Variants in WDPCP observed in about 807,000 individuals in gnomAD.
WDPCP encodes WD repeat-containing and planar cell polarity effector protein fritz homolog.
A neutral mutation model predicts 93.1 loss-of-function variants in WDPCP; 71 were observed. The observed-to-expected ratio is 0.76, with a 90% confidence interval of 0.63 to 0.93. WDPCP has a LOEUF of 0.93. Ranked by LOEUF, WDPCP falls within the 40% of genes least tolerant of loss-of-function variation. The pLI is 0.00. For missense variants in WDPCP, 844 were observed against 887.4 expected (o/e 0.95, Z 0.62); for synonymous variants, 315 against 315.0 (o/e 1.00, Z 0.00).
chr2:63,700,301 AAAC>A lies in WDPCP; in HGVS notation n.309-49466_309-49464del, dbSNP rs1279422692. Among the ~76,000 whole-genome samples, 34 of 102,232 alleles carry A rather than the reference AAAC, an allele frequency of 3.3e-4. 4 individuals are homozygous for A. The highest frequency in any genetic ancestry group is 8.6e-4 in the Admixed American group (9 of 10,486). The allele number at this position is 102,232 out of a possible 152,430, so 67.1% of individuals were successfully genotyped here. Reference sequence around the variant, plus strand: ...CTGTCTCAAAAAAAAAAAAAAAAAAAAACAAAAAGAAAAAAAGAAAAAAATGCT... The same window carrying A: ...CTGTCTCAAAAAAAAAAAAAAAAAAAAAAAAGAAAAAAAGAAAAAAATGCT... On this transcript the variant is annotated intron_variant and non_coding_transcript_variant, in intron 2 of 4. Transcript: ENST00000467687.
chr2:63,152,483 G>A (rs1047584492), intron 17 of WDPCP, among the ~76,000 whole-genome samples: 2 of 152,020 alleles, frequency 1.3e-5, no homozygotes, highest in Admixed American at 6.6e-5. Context: ...TGTTGGCCAG[G>A]CTGGTCTCAA....
chr2:63,269,449 A>C (rs1322186458), intron 13 of WDPCP, among the ~76,000 whole-genome samples: 2 of 152,174 alleles, frequency 1.3e-5, no homozygotes, highest in African/African-American at 4.8e-5. Flanking sequence ...GTAAGATCTA[A>C]ATAAAAAACT....
chr2:63,437,228 C>A (rs1044969994), intron 8 of WDPCP, among the ~76,000 whole-genome samples, 193 bp downstream of exon 8: 2 of 151,902 alleles, frequency 1.3e-5, no homozygotes, highest in Non-Finnish European at 2.9e-5. Context: ...TGTTAGACAA[C>A]CCCCCATAGT....
intron 1 of WDPCP, among the ~76,000 whole-genome samples, chr2:63,534,371 T>C (rs940596721): frequency 1.3e-5 from 2 of 152,202 alleles, no homozygotes; most frequent in Non-Finnish European, 2.9e-5. Context: ...GAGGCCAGCA[T>C]CAACCTGATA....
intron 3 of WDPCP, among the ~76,000 whole-genome samples, chr2:63,650,304 G>A (rs758919303): frequency 2.6e-5 from 4 of 152,198 alleles, no homozygotes; most frequent in Non-Finnish European, 5.9e-5. Flanking sequence ...CTGAGAATTG[G>A]TATTTCTAGC....
chr2:63,523,807 A>G (rs1002841878), intron 1 of WDPCP, among the ~76,000 whole-genome samples: 2 of 152,218 alleles, frequency 1.3e-5, no homozygotes, highest in African/African-American at 4.8e-5. Flanking sequence ...GCTACTCGGG[A>G]GGCTGAGGCA....
intron 2 of WDPCP, among the ~76,000 whole-genome samples, chr2:63,491,182 G>T (rs1296768284): frequency 1.3e-5 from 2 of 152,044 alleles, no homozygotes; most frequent in African/African-American, 2.4e-5. Flanking sequence ...CATGGATTTA[G>T]TATTTTTCCT....
intron 2 of WDPCP, among the ~76,000 whole-genome samples, chr2:63,661,781 C>G (rs1197022900): frequency 1.3e-5 from 2 of 152,120 alleles, no homozygotes; most frequent in Non-Finnish European, 2.9e-5. Context: ...ATATTGCAGA[C>G]AGTGGGTGCT....
intron 1 of WDPCP, among the ~76,000 whole-genome samples, chr2:63,568,553 C>T (rs2106455852): frequency 6.6e-6 from 1 of 152,300 alleles, no homozygotes; most frequent in African/African-American, 2.4e-5. Context: ...GTACACTCAC[C>T]AGCAGTTTTG....
In WDPCP at chr2:63,510,802, C is replaced by T. The variant is rs530386308; in HGVS notation, c.76-17862G>A. ...GCCTGGCCAACATGGCAAACCCTGT[C>T]TCTACTAAAAAATACCAAAAAAAAT... On this transcript the variant is annotated intron_variant, in intron 1 of 17. Transcript: ENST00000272321. Among the ~76,000 whole-genome samples the T allele has an allele frequency of 2.6e-5, 4 of 152,152 alleles. 1 individual carries two copies. The South Asian group carries it at 8.3e-4, about 32-fold the overall frequency.
intron 3 of WDPCP, chr2:63,594,661 C>A: frequency 9.4e-7 from 1 of 1,059,878 alleles, no homozygotes; most frequent in Non-Finnish European, 1.4e-6. Context: ...TTTAGTTGTA[C>A]ACAAATTGTT....
Position 63,782,783 on chromosome 2 carries a change from T to C in WDPCP, n.308+30839A>G, listed in dbSNP as rs551396081. ...GTGTGTGTGTGTGTGTGTGTTTGTG[T>C]GTTTGTGTGTGTGTGTAATATATAA... On this transcript the variant is annotated intron_variant and non_coding_transcript_variant, in intron 2 of 4. Transcript: ENST00000467687. Among the ~76,000 whole-genome samples the C allele has an allele frequency of 3.9e-3, 592 of 151,860 alleles. 2 individuals are homozygous for C. Among genetic ancestry groups the C allele is most frequent in the African/African-American group, 0.014 (567 of 41,394 alleles).
chr2:63,604,946 T>TA, intron 3 of WDPCP: 1 of 1,470,142 alleles, frequency 6.8e-7, no homozygotes, highest in South Asian at 1.3e-5. Context: ...CAGAAAACCT[T>TA]AAAGAGGGCA....
chr2:63,824,546 A>AAG (rs1259390078), intron 1 of WDPCP, among the ~76,000 whole-genome samples: 1 of 103,322 alleles, frequency 9.7e-6, no homozygotes, highest in African/African-American at 3.2e-5. Context: ...TCAAAAAAAA[A>AAG]AAAAAAAAAA....
At chr2:63,643,261 C>T (rs1349711363) in intron 3 of WDPCP, 1 of 335,594 alleles carries the variant, frequency 3.0e-6, no homozygotes, top group African/African-American at 2.2e-5. Flanking sequence ...TCTCTAGAGA[C>T]CATTTCACCC....
intron 3 of WDPCP, 115 bp from the exon 4 acceptor site, chr2:63,486,701 T>C: frequency 1.2e-6 from 1 of 848,046 alleles, no homozygotes; most frequent in South Asian, 1.9e-5. Flanking sequence ...ATTACATGCA[T>C]TATTGAGATT....
chr2:63,284,327 G>C (rs1683819110), intron 13 of WDPCP, among the ~76,000 whole-genome samples: 1 of 152,152 alleles, frequency 6.6e-6, no homozygotes, highest in Non-Finnish European at 1.5e-5. Flanking sequence ...TGAAAGCATG[G>C]ATAATACTGA....
chr2:63,790,980 G>A (rs1670535726), intron 2 of WDPCP, among the ~76,000 whole-genome samples: 1 of 152,150 alleles, frequency 6.6e-6, no homozygotes, highest in African/African-American at 2.4e-5. Flanking sequence ...AAAAATTCAG[G>A]AAGAATTAAG....
At chr2:63,200,892 G>C (rs1221727506) in intron 14 of WDPCP, among the ~76,000 whole-genome samples, 1 of 152,064 alleles carries the variant, frequency 6.6e-6, no homozygotes, top group African/African-American at 2.4e-5. Context: ...GATGAGTTAA[G>C]ACTTTGGGGG....
Sources: gnomAD v4.1 joint callset for allele counts (sites outside exome capture counted in the v4.1 genomes callset) on GRCh38, gnomAD v4.1.1 for gene constraint, MANE v1.5 for transcripts, NCBI Gene and HGNC (gene_info 2026-07-23, HGNC 2026-07-21) for gene names.